BOLL: variants seen among roughly 807,000 people sequenced by gnomAD.
BOLL encodes the protein protein boule-like.
Under a neutral mutation model 44.4 loss-of-function variants are expected in BOLL, and 23 were observed. The ratio of observed to expected loss-of-function variants is 0.52; its 90% confidence interval spans 0.37 to 0.73. BOLL has a LOEUF of 0.73. Ranked by LOEUF, BOLL falls within the 30% of genes least tolerant of loss-of-function variation. The pLI, the probability that BOLL is intolerant of heterozygous loss-of-function variation, is 0.00. For synonymous variants in BOLL, 97 were observed against 110.8 expected (o/e 0.88, Z 0.78); for missense variants, 287 against 338.3 (o/e 0.85, Z 1.19).
At chr2:197,784,734 A>C in intron 1 of BOLL, 1 of 987,570 alleles carries the variant, frequency 1.0e-6, no homozygotes, top group Non-Finnish European at 1.2e-6. Flanking sequence ...GGCCTACAAA[A>C]TATTTTAATG....
chr2:197,786,161 C>G, upstream of BOLL: 1 of 1,141,126 alleles, frequency 8.8e-7, no homozygotes, highest in Non-Finnish European at 1.2e-6. This position sits in a 1 kb window ranked among gnomAD's most constrained non-coding sequence, Gnocchi z 5.9. Context: ...AGGCTCGGAC[C>G]CCGGCCCTGA....
chr2:197,748,926 G>A lies in BOLL; in HGVS notation c.730-5767C>T, dbSNP rs191540760. Among the ~76,000 whole-genome samples the A allele has an allele frequency of 4.3e-3, 659 of 152,354 alleles. 5 individuals are homozygous for A. The highest frequency in any genetic ancestry group is 0.015 in the African/African-American group (631 of 41,588). On this transcript the variant is annotated intron_variant, in intron 9 of 10. Transcript: ENST00000392296. ...CTCCTTAAGTGAGTCCCTGACACCTGTGCCTCCTGACTGGGAGATACCTCC... is the reference window on the plus strand; with the variant it reads ...CTCCTTAAGTGAGTCCCTGACACCTATGCCTCCTGACTGGGAGATACCTCC...
chr2:197,774,019 A>G (rs1195803715), intron 5 of BOLL: 1 of 461,612 alleles, frequency 2.2e-6, no homozygotes, highest in Non-Finnish European at 4.5e-6. Flanking sequence ...TTCGCAGAAA[A>G]GTCAAAAGAA....
At chr2:197,785,678 G>C (rs979623254), upstream of BOLL, among the ~76,000 whole-genome samples, 7 of 152,206 alleles carry the variant, frequency 4.6e-5, no homozygotes, top group African/African-American at 1.7e-4. This position sits in a 1 kb window ranked among gnomAD's most constrained non-coding sequence, Gnocchi z 6.7. Flanking sequence ...TACCTGCTCG[G>C]ACTTCGCTGG....
At chr2:197,772,052 C>T (rs1689292616) in intron 5 of BOLL, 70 bp from the exon 6 acceptor site, 1 of 1,297,556 alleles carries the variant, frequency 7.7e-7, no homozygotes, top group Non-Finnish European at 1.0e-6. Flanking sequence ...TTTCTAAACA[C>T]TTCAGAAAAA....
At chr2:197,737,410 T>C (rs1687543998) in intron 10 of BOLL, among the ~76,000 whole-genome samples, 1 of 152,138 alleles carries the variant, frequency 6.6e-6, no homozygotes, top group Non-Finnish European at 1.5e-5. Flanking sequence ...ATACAATTTC[T>C]AATGTCTAAG....
chr2:197,778,903 T>C, intron 3 of BOLL, 72 bp downstream of exon 3: 3 of 1,294,816 alleles, frequency 2.3e-6, no homozygotes, highest in Non-Finnish European at 3.3e-6. Context: ...CAAAGTAAAC[T>C]GGCGTACAAA....
intron 7 of BOLL, among the ~76,000 whole-genome samples, chr2:197,758,454 A>C (rs994547833): frequency 2.6e-5 from 4 of 152,220 alleles, no homozygotes; most frequent in Non-Finnish European, 5.9e-5. Flanking sequence ...ATATATCCAG[A>C]ATAGGCAAAT....
At chr2:197,746,305 A>G (rs1687983484) in intron 9 of BOLL, among the ~76,000 whole-genome samples, 1 of 152,226 alleles carries the variant, frequency 6.6e-6, no homozygotes. Context: ...ATACATATCC[A>G]AAGGAAATGA....
intron 10 of BOLL, among the ~76,000 whole-genome samples, chr2:197,741,634 T>G (rs1158580104): frequency 1.3e-5 from 2 of 152,118 alleles, no homozygotes; most frequent in Admixed American, 6.6e-5. Context: ...ACTGGATCCC[T>G]TCCTTACACC....
In BOLL at chr2:197,781,780, G is replaced by C; in HGVS notation, c.71C>G (p.Ala24Gly). 1.9e-6 allele frequency: 3 copies of C among 1,606,678 alleles called. No individual in the cohort carries two copies. Among genetic ancestry groups the C allele is most frequent in the Non-Finnish European group, 2.6e-6 (3 of 1,174,956 alleles). Residue 24 changes from alanine to glycine, a missense_variant, in exon 2 of 11, where the codon GCC (alanine) becomes GGC (glycine). Transcript: ENST00000392296. ...SPVPLNNPTS[A>G]PRYGTVIPNR... ...AGGGATCACTGTTCCATATCTTGGG[G>C]CACTTGTTGGGTTATTCAAAGGCAC...
chr2:197,731,709 T>C (rs1483031198), intron 10 of BOLL, among the ~76,000 whole-genome samples: 1 of 151,998 alleles, frequency 6.6e-6, no homozygotes, highest in Non-Finnish European at 1.5e-5. Context: ...TGCTCCTGAA[T>C]GACTACTGGG....
At chr2:197,779,155 T>G in intron 2 of BOLL, 89 bp from the exon 3 acceptor site, 2 of 959,178 alleles carry the variant, frequency 2.1e-6, no homozygotes, top group Non-Finnish European at 1.5e-6. Context: ...CAGAAAAAGT[T>G]ATAGATAAGA....
At chr2:197,765,733 G>T (rs1688965163) in intron 7 of BOLL, among the ~76,000 whole-genome samples, 1 of 151,536 alleles carries the variant, frequency 6.6e-6, no homozygotes, top group Non-Finnish European at 1.5e-5. Flanking sequence ...AGGTTCAGGG[G>T]TACATGTGAA....
intron 6 of BOLL, among the ~76,000 whole-genome samples, chr2:197,770,104 T>C (rs1179633278): frequency 6.6e-6 from 1 of 152,082 alleles, no homozygotes; most frequent in Non-Finnish European, 1.5e-5. Context: ...CAAACTATAC[T>C]ACAAGGCTAC....
At chr2:197,736,758 A>C (rs893190405) in intron 10 of BOLL, among the ~76,000 whole-genome samples, 1 of 152,114 alleles carries the variant, frequency 6.6e-6, no homozygotes. Flanking sequence ...TTGTAAATTC[A>C]AGTCACAGTG....
At chr2:197,729,112 G>A (rs1439535946) in intron 10 of BOLL, among the ~76,000 whole-genome samples, 1 of 152,210 alleles carries the variant, frequency 6.6e-6, no homozygotes, top group Non-Finnish European at 1.5e-5. Context: ...AGGTCAGTGG[G>A]TGCGTGCACC....
At chr2:197,779,269 C>A (rs998308664) in intron 2 of BOLL, among the ~76,000 whole-genome samples, 4 of 151,910 alleles carry the variant, frequency 2.6e-5, no homozygotes, top group Non-Finnish European at 5.9e-5. Flanking sequence ...TGTTAAATTA[C>A]CATATGCCAA....
At chr2:197,778,043 A>G (rs1160941610) in intron 3 of BOLL, among the ~76,000 whole-genome samples, 1 of 151,996 alleles carries the variant, frequency 6.6e-6, no homozygotes, top group Admixed American at 6.6e-5. Context: ...TTACATTTCC[A>G]TGTATGTTTT....
Sources: gnomAD v4.1 joint callset for allele counts (sites outside exome capture counted in the v4.1 genomes callset) on GRCh38, gnomAD v4.1.1 for gene constraint, Gnocchi (gnomAD v3.1) non-coding constraint, MANE v1.5 for transcripts, NCBI Gene and HGNC (gene_info 2026-07-23, HGNC 2026-07-21) for gene names.